FNBP1: variants seen among roughly 807,000 people sequenced by gnomAD.
The protein encoded by FNBP1 is formin binding protein 1.
A neutral mutation model predicts 90.6 loss-of-function variants in FNBP1; 26 were observed. That is an observed-to-expected ratio of 0.29 (90% confidence interval 0.21 to 0.40). The LOEUF is 0.40. FNBP1 is among the 10% of genes least tolerant of loss of function. FNBP1 has a pLI of 1.00. For missense variants in FNBP1, 635 were observed against 768.0 expected (o/e 0.83, Z 2.05); for synonymous variants, 260 against 265.2 (o/e 0.98, Z 0.19).
chr9:129,954,094 T>TA (rs565181849), intron 6 of FNBP1, among the ~76,000 whole-genome samples: 37 of 151,862 alleles, frequency 2.4e-4, no homozygotes, highest in African/African-American at 8.2e-4. Flanking sequence ...AAAAAAGTAT[T>TA]AAAAAAGGTA....
chr9:129,955,049 T>C (rs1248767650), intron 6 of FNBP1, among the ~76,000 whole-genome samples: 1 of 151,108 alleles, frequency 6.6e-6, no homozygotes, highest in African/African-American at 2.4e-5. Flanking sequence ...CTCTTTGCAA[T>C]CAGGAACAAG....
upstream of FNBP1, among the ~76,000 whole-genome samples, chr9:130,043,404 C>T (rs2060006890): frequency 6.6e-6 from 1 of 152,180 alleles, no homozygotes; most frequent in Admixed American, 6.5e-5. Context: ...CCCTAGGACT[C>T]CCCCTGCCAA....
chr9:130,002,451 T>C (rs1244618636), intron 1 of FNBP1, among the ~76,000 whole-genome samples: 3 of 152,154 alleles, frequency 2.0e-5, no homozygotes, highest in African/African-American at 7.2e-5. Context: ...CTTGACGTAA[T>C]GGGTGAGTTC....
At chr9:129,899,563 G>A (rs905239342) in intron 15 of FNBP1, among the ~76,000 whole-genome samples, 3 of 151,916 alleles carry the variant, frequency 2.0e-5, no homozygotes, top group African/African-American at 7.2e-5. Flanking sequence ...AGTACAAAAA[G>A]TACAAAAGTA....
intron 4 of FNBP1, among the ~76,000 whole-genome samples, chr9:129,969,115 G>A (rs750455188): frequency 3.3e-5 from 5 of 152,158 alleles, no homozygotes; most frequent in Non-Finnish European, 7.4e-5. Flanking sequence ...ATTTACAGTA[G>A]TTCTTATGGA....
At chr9:130,046,771 A>C (rs1216217771), upstream of FNBP1, among the ~76,000 whole-genome samples, 1 of 54,866 alleles carries the variant, frequency 1.8e-5, no homozygotes, top group Non-Finnish European at 4.3e-5. Context: ...GTGAGACTTT[A>C]TCTCAAAAAA....
At chr9:130,006,386 T>G (rs2055698202) in intron 1 of FNBP1, among the ~76,000 whole-genome samples, 1 of 152,198 alleles carries the variant, frequency 6.6e-6, no homozygotes, top group African/African-American at 2.4e-5. Context: ...TCTCAGCTAC[T>G]CTGGAGGCAG....
the FNBP1 span, among the ~76,000 whole-genome samples, chr9:130,051,807 CA>C: frequency 1.1e-4 from 16 of 144,844 alleles, no homozygotes; most frequent in Middle Eastern, 3.5e-3. Context: ...GTCTCTGTCT[CA>C]AAAAAAAAAG....
intron 6 of FNBP1, among the ~76,000 whole-genome samples, chr9:129,931,579 C>T (rs1314121512): frequency 6.6e-6 from 1 of 151,760 alleles, no homozygotes; most frequent in Non-Finnish European, 1.5e-5. Flanking sequence ...ATACTCCAGC[C>T]TGGGCGACAG....
At chr9:129,901,343 C>G (rs757524591) in intron 13 of FNBP1, among the ~76,000 whole-genome samples, 1 of 151,936 alleles carries the variant, frequency 6.6e-6, no homozygotes, top group Non-Finnish European at 1.5e-5. Flanking sequence ...TCGAGACCAG[C>G]CTGGCCAACA....
At chr9:130,034,727 T>G (rs2059155278) in intron 1 of FNBP1, among the ~76,000 whole-genome samples, 1 of 152,196 alleles carries the variant, frequency 6.6e-6, no homozygotes, top group Admixed American at 6.5e-5. Flanking sequence ...TTTAGTGGTG[T>G]GAGTCATTGA....
chr9:129,978,312 C>A, intron 4 of FNBP1, 153 bp downstream of exon 4: 1 of 662,322 alleles, frequency 1.5e-6, no homozygotes, highest in Non-Finnish European at 2.5e-6. Context: ...AGCCACCGTG[C>A]CCAGCTGGGG....
intron 2 of FNBP1, among the ~76,000 whole-genome samples, chr9:129,981,081 A>G (rs1268096154): frequency 6.7e-6 from 1 of 149,716 alleles, no homozygotes; most frequent in Non-Finnish European, 1.5e-5. Flanking sequence ...AAATAGCCAT[A>G]GCATGTTTTC....
rs1191861311 is a variant in FNBP1, at chr9:130,041,084, G to A, written c.24+1868C>T. Among the ~76,000 whole-genome samples the A allele has an allele frequency of 6.8e-6, 1 of 147,492 alleles. No homozygotes were observed. The highest frequency in any genetic ancestry group is 1.5e-5 in the Non-Finnish European group (1 of 67,396). ...ACTCCTGGGCCCAAAAGATCCTCCC[G>A]ACTCAGCCTCCCAAGGTGCTGGCAA... On this transcript the variant is annotated intron_variant, in intron 1 of 16. Transcript: ENST00000446176. This position sits in a 1 kb window ranked among gnomAD's most constrained non-coding sequence, Gnocchi z 4.3.
chr9:129,897,378 T>G (rs1056444004), intron 15 of FNBP1, among the ~76,000 whole-genome samples: 1 of 152,016 alleles, frequency 6.6e-6, no homozygotes, highest in Non-Finnish European at 1.5e-5. Context: ...TGGGGGATGG[T>G]TGGAATATGA....
In FNBP1 at chr9:129,978,576, G is replaced by T. The variant is rs758858855; in HGVS notation, c.234C>A (p.Asn78Lys). Residue 78 changes from asparagine (N) to lysine (K), a missense_variant, in exon 4 of 17, where the codon AAC becomes AAA. Transcript: ENST00000446176. ...TSCKAFISNL[N>K]EMNDYAGQHE... ...GCTGCCCTGCGTAATCATTCATTTC[G>T]TTCAGGTTGGAAATGAAAGCTTTAC... is the stretch of plus-strand genomic sequence containing the variant. The T allele has an allele frequency of 1.2e-6, 2 of 1,613,340 alleles. No homozygotes were observed. The highest frequency in any genetic ancestry group is 1.7e-5 in the Admixed American group (1 of 59,964).
At chr9:129,914,791 A>ATATATATATC (rs1385776721) in intron 11 of FNBP1, 5 of 159,538 alleles carry the variant, frequency 3.1e-5, no homozygotes, top group East Asian at 3.5e-4. Flanking sequence ...ATATATATAT[A>ATATATATATC]TATCTCACCA....
At position 130,043,121 on chromosome 9, in the gene FNBP1, CG is replaced by C; in HGVS notation, c.-147del. On this transcript the variant is annotated 5_prime_UTR_variant, in exon 1 of 17. Transcript: ENST00000446176. ...CTCCTCCGGCTCGCAGCTCCTCGCCCGGGGTCTCCTCGGCGGCTCCTCCTCC... is the reference window on the plus strand; with the variant it reads ...CTCCTCCGGCTCGCAGCTCCTCGCCCGGGTCTCCTCGGCGGCTCCTCCTCC... 1.6e-6 allele frequency: 1 copy of C among 622,048 alleles called. No homozygotes were observed. The highest frequency in any genetic ancestry group is 2.3e-6 in the Non-Finnish European group (1 of 434,954). The allele number at this position is 622,048 out of a possible 1,614,324, so 38.5% of individuals were successfully genotyped here.
At chr9:129,901,473 G>A (rs2036924865) in intron 13 of FNBP1, among the ~76,000 whole-genome samples, 1 of 152,092 alleles carries the variant, frequency 6.6e-6, no homozygotes, top group African/African-American at 2.4e-5. Flanking sequence ...GGAGGTGGAG[G>A]TTACAGTGAG....
Sources: gnomAD v4.1 joint callset for allele counts (sites outside exome capture counted in the v4.1 genomes callset) on GRCh38, gnomAD v4.1.1 for gene constraint, Gnocchi (gnomAD v3.1) non-coding constraint, MANE v1.5 for transcripts, NCBI Gene and HGNC (gene_info 2026-07-23, HGNC 2026-07-21) for gene names.